Variants in SEMA6D observed in about 807,000 individuals in gnomAD.
SEMA6D encodes the protein semaphorin-6D.
SEMA6D carries 35 observed loss-of-function variants against 106.6 expected under a neutral mutation model. The observed-to-expected ratio is 0.33, with a 90% confidence interval of 0.25 to 0.44. The LOEUF (loss-of-function observed/expected upper bound fraction) is 0.44, where lower values mean the gene tolerates loss of function less well. SEMA6D is among the 20% of genes least tolerant of loss of function. The pLI, the probability that SEMA6D is intolerant of heterozygous loss-of-function variation, is 1.00. For synonymous variants in SEMA6D, 499 were observed against 487.7 expected, an observed-to-expected ratio of 1.02 and a Z score of -0.31; for missense variants, 1,185 against 1,345.9, an observed-to-expected ratio of 0.88 and a Z score of 1.87.
In SEMA6D at chr15:47,771,521, T is replaced by C. The variant is rs771028717; in HGVS notation, c.2958T>C (p.Gly986=). The change falls in exon 19 of 19, where the codon GGT becomes GGC. Residue 986 remains glycine, a synonymous_variant. Transcript: ENST00000536845. Reference sequence around the variant, plus strand: ...CTAAAAACTTAAACTCACCAAATGGTGTTTTGTTATCCAGACAGCCTAGTA... The same window carrying C: ...CTAAAAACTTAAACTCACCAAATGGCGTTTTGTTATCCAGACAGCCTAGTA... ...AMPKNLNSPN[G]VLLSRQPSMN... is the part of the protein sequence containing the mutation. The C allele has an allele frequency of 1.1e-5, 18 of 1,613,936 alleles. No homozygotes were observed. Among genetic ancestry groups the C allele is most frequent in the Non-Finnish European group, 1.4e-5 (17 of 1,179,986 alleles).
intron 2 of SEMA6D, among the ~76,000 whole-genome samples, chr15:47,448,998 G>A (rs1464205194): frequency 6.6e-6 from 1 of 151,986 alleles, no homozygotes; most frequent in Non-Finnish European, 1.5e-5. Context: ...GATCATCAAT[G>A]AGAATTGCTA....
At chr15:47,197,619 C>T (rs979724985) in intron 1 of SEMA6D, among the ~76,000 whole-genome samples, 5 of 151,410 alleles carry the variant, frequency 3.3e-5, no homozygotes, top group Non-Finnish European at 5.9e-5. Context: ...ATTTAACTAC[C>T]ACAACAAAAT....
At chr15:47,420,450 A>G (rs986183064) in intron 2 of SEMA6D, among the ~76,000 whole-genome samples, 2 of 151,928 alleles carry the variant, frequency 1.3e-5, no homozygotes, top group African/African-American at 4.8e-5. Flanking sequence ...ATGTATGTCC[A>G]TTGCCTCCAA....
intron 3 of SEMA6D, among the ~76,000 whole-genome samples, chr15:47,473,283 C>T (rs1039846284): frequency 2.0e-5 from 3 of 152,080 alleles, no homozygotes; most frequent in Admixed American, 6.6e-5. Context: ...AGTCCAAAAC[C>T]GGGGCTAGAG....
chr15:47,541,257 G>A (rs1353994694), intron 3 of SEMA6D, among the ~76,000 whole-genome samples: 1 of 152,168 alleles, frequency 6.6e-6, no homozygotes, highest in Non-Finnish European at 1.5e-5. Context: ...TTTCCAGAAA[G>A]ATATTTTAGC....
At chr15:47,356,051 G>T (rs571688545) in intron 1 of SEMA6D, among the ~76,000 whole-genome samples, 6 of 152,324 alleles carry the variant, frequency 3.9e-5, no homozygotes, top group Admixed American at 3.9e-4. Context: ...GGAATTGGCA[G>T]CCCCCTTGGG....
rs75019123 is a variant in SEMA6D at position 47,693,041 on chromosome 15, T to C, written c.-54-66704T>C. On this transcript the variant is annotated intron_variant, in intron 4 of 19. Transcript: ENST00000558014. ...TGTACCCCTATTCCTCCAAAACTTA[T>C]AGGCTGTAGTTCTAACTCTCGGTAC... 9.7e-3 allele frequency among the ~76,000 whole-genome samples: 1,484 copies of C among 152,240 alleles called. 24 individuals are homozygous for C. Among genetic ancestry groups the C allele is most frequent in the African/African-American group, 0.035 (1,434 of 41,550 alleles).
chr15:47,712,414 A>G (rs73394820), intron 4 of SEMA6D, among the ~76,000 whole-genome samples: 588 of 152,306 alleles, frequency 3.9e-3, no homozygotes, highest in African/African-American at 0.014. Context: ...AGAAAACCCT[A>G]ATAAGATAGT....
chr15:47,336,985 T>A (rs1342553668), intron 1 of SEMA6D, among the ~76,000 whole-genome samples: 1 of 152,122 alleles, frequency 6.6e-6, no homozygotes, highest in Admixed American at 6.5e-5. Context: ...TGGAAGTCCC[T>A]GTGTTTGGGT....
intron 1 of SEMA6D, among the ~76,000 whole-genome samples, chr15:47,327,270 A>G (rs1172754137): frequency 6.6e-6 from 1 of 152,222 alleles, no homozygotes; most frequent in Non-Finnish European, 1.5e-5. Context: ...TAAGAATTAA[A>G]TCAGATAATA....
chr15:47,352,956 A>G (rs1251516519), intron 1 of SEMA6D, among the ~76,000 whole-genome samples: 2 of 152,168 alleles, frequency 1.3e-5, no homozygotes, highest in African/African-American at 4.8e-5. Context: ...TGGGACCTTA[A>G]TATCTAACAT....
intron 1 of SEMA6D, among the ~76,000 whole-genome samples, chr15:47,278,027 G>T (rs1352934049): frequency 1.3e-5 from 2 of 152,068 alleles, no homozygotes; most frequent in South Asian, 4.2e-4. Flanking sequence ...GGACATTTGG[G>T]TTGGTTCCAA....
chr15:47,190,731 A>G (rs1156273501), intron 1 of SEMA6D, among the ~76,000 whole-genome samples: 1 of 152,214 alleles, frequency 6.6e-6, no homozygotes, highest in Admixed American at 6.5e-5. Context: ...TTTTTAATGT[A>G]TTAACCTTTT....
intron 1 of SEMA6D, among the ~76,000 whole-genome samples, chr15:47,317,343 A>G (rs1040247464): frequency 2.6e-5 from 4 of 151,434 alleles, no homozygotes; most frequent in African/African-American, 4.9e-5. Context: ...TGTCTTTTTT[A>G]CTGATCTTTT....
chr15:47,634,814 G>A (rs370319638), intron 4 of SEMA6D, among the ~76,000 whole-genome samples: 330 of 151,968 alleles, frequency 2.2e-3, no homozygotes, highest in African/African-American at 7.7e-3. Flanking sequence ...CTGCTTCTTC[G>A]GGGGTGGGGG....
At chr15:47,564,996 C>T (rs1403722660) in intron 3 of SEMA6D, among the ~76,000 whole-genome samples, 1 of 152,152 alleles carries the variant, frequency 6.6e-6, no homozygotes. Context: ...AGTTCCCTTT[C>T]CCACTGAGAG....
intron 1 of SEMA6D, among the ~76,000 whole-genome samples, chr15:47,249,993 A>G (rs1041576510): frequency 6.6e-6 from 1 of 152,150 alleles, no homozygotes; most frequent in Non-Finnish European, 1.5e-5. Flanking sequence ...ATAAGGTGGT[A>G]TTTCATCTAC....
chr15:47,365,969 A>C (rs1274618657), intron 1 of SEMA6D, among the ~76,000 whole-genome samples: 1 of 152,014 alleles, frequency 6.6e-6, no homozygotes, highest in Non-Finnish European at 1.5e-5. Flanking sequence ...GAAAGAAAGA[A>C]AGAAACAGAA....
intron 3 of SEMA6D, among the ~76,000 whole-genome samples, chr15:47,544,395 C>T (rs1217974842): frequency 6.6e-6 from 1 of 152,106 alleles, no homozygotes; most frequent in Non-Finnish European, 1.5e-5. Flanking sequence ...CTATTGAATA[C>T]ATGTTTATTG....
Sources: gnomAD v4.1 joint callset for allele counts (sites outside exome capture counted in the v4.1 genomes callset) on GRCh38, gnomAD v4.1.1 for gene constraint, MANE v1.5 for transcripts, NCBI Gene and HGNC (gene_info 2026-07-23, HGNC 2026-07-21) for gene names.